The following TNFRSF21 variants were observed in gnomAD, a reference collection of about 807,000 sequenced individuals.
TNFRSF21 encodes tumor necrosis factor receptor superfamily member 21.
A neutral mutation model predicts 45.6 loss-of-function variants in TNFRSF21; 19 were observed. The observed-to-expected ratio is 0.42, with a 90% CI of 0.29 to 0.61. TNFRSF21 has a LOEUF of 0.61. Ranked by LOEUF, TNFRSF21 falls within the 20% of genes least tolerant of loss-of-function variation. The pLI is 0.23. For missense variants in TNFRSF21, 737 were observed against 851.5 expected (o/e 0.87, Z 1.67); for synonymous variants, 314 against 335.5 (o/e 0.94, Z 0.70).
chr6:47,271,897 C>A (rs149296476), intron 3 of TNFRSF21, among the ~76,000 whole-genome samples: 3,800 of 152,040 alleles, frequency 0.025, 87 homozygotes, highest in Non-Finnish European at 0.033. Flanking sequence ...TTTAAACCAA[C>A]AAAGATCAAA....
intron 1 of TNFRSF21, among the ~76,000 whole-genome samples, chr6:47,303,576 C>T (rs1762901789): frequency 6.6e-6 from 1 of 152,176 alleles, no homozygotes; most frequent in African/African-American, 2.4e-5. Context: ...ACTGAGATCA[C>T]TATTGCTTAC....
At chr6:47,289,121 C>A (rs1001585965) in intron 1 of TNFRSF21, among the ~76,000 whole-genome samples, 1 of 152,176 alleles carries the variant, frequency 6.6e-6, no homozygotes, top group Admixed American at 6.5e-5. Flanking sequence ...TTTCACTATC[C>A]TTTATGAAAT....
intron 4 of TNFRSF21, among the ~76,000 whole-genome samples, chr6:47,249,630 G>A (rs1764872245): frequency 6.6e-6 from 1 of 152,156 alleles, no homozygotes; most frequent in Non-Finnish European, 1.5e-5. Flanking sequence ...TGTGACTCCT[G>A]ACTGTGTAAA....
At chr6:47,251,436 A>G (rs1052692155) in intron 4 of TNFRSF21, among the ~76,000 whole-genome samples, 2 of 152,218 alleles carry the variant, frequency 1.3e-5, no homozygotes, top group African/African-American at 4.8e-5. Context: ...TAAGGTGTAC[A>G]AGAGTTTGGC....
intron 4 of TNFRSF21, among the ~76,000 whole-genome samples, chr6:47,235,841 T>G (rs1355089708): frequency 6.6e-6 from 1 of 152,136 alleles, no homozygotes; most frequent in East Asian, 1.9e-4. Context: ...ACTGTGAAGA[T>G]TGCATTCTGG....
At chr6:47,302,141 C>T (rs1027982628) in intron 1 of TNFRSF21, among the ~76,000 whole-genome samples, 5 of 152,148 alleles carry the variant, frequency 3.3e-5, no homozygotes, top group East Asian at 1.9e-4. Flanking sequence ...CTACAACCTA[C>T]GAAGCGATGT....
chr6:47,257,761 C>A (rs1427445480), intron 3 of TNFRSF21, among the ~76,000 whole-genome samples: 1 of 152,132 alleles, frequency 6.6e-6, no homozygotes, highest in African/African-American at 2.4e-5. Flanking sequence ...TTTTACTATT[C>A]CTTTTTAAAC....
intron 4 of TNFRSF21, among the ~76,000 whole-genome samples, chr6:47,250,047 G>A (rs755503331): frequency 2.6e-5 from 4 of 151,982 alleles, no homozygotes; most frequent in Non-Finnish European, 5.9e-5. Flanking sequence ...CATTTAAAAA[G>A]CAATTATATA....
intron 4 of TNFRSF21, among the ~76,000 whole-genome samples, chr6:47,244,671 C>G (rs559897354): frequency 1.3e-5 from 2 of 152,094 alleles, no homozygotes; most frequent in East Asian, 3.8e-4. Context: ...TTAATTTCAG[C>G]CTGTCCTGTG....
chr6:47,250,991 G>C (rs1467299200), intron 4 of TNFRSF21, among the ~76,000 whole-genome samples: 1 of 152,140 alleles, frequency 6.6e-6, no homozygotes, highest in Admixed American at 6.5e-5. Context: ...TGTATGTAAG[G>C]TATATGTGAA....
intron 3 of TNFRSF21, among the ~76,000 whole-genome samples, chr6:47,258,441 T>G (rs532357167): frequency 6.7e-6 from 1 of 148,764 alleles, no homozygotes; most frequent in East Asian, 2.0e-4. Flanking sequence ...AAGACCACAG[T>G]AACTTTTGCA....
chr6:47,245,091 G>A (rs915960715), intron 4 of TNFRSF21, among the ~76,000 whole-genome samples: 2 of 152,140 alleles, frequency 1.3e-5, no homozygotes, highest in Non-Finnish European at 2.9e-5. Flanking sequence ...AGAAAGCCAG[G>A]AAGGGTGTAG....
At chr6:47,283,317 G>C (rs74350615) in intron 3 of TNFRSF21, among the ~76,000 whole-genome samples, 4,206 of 152,254 alleles carry the variant, frequency 0.028, 207 homozygotes, top group African/African-American at 0.096. Flanking sequence ...TAATGCTGAG[G>C]CTCAGATGAT....
At chr6:47,300,345 C>T (rs1419329607) in intron 1 of TNFRSF21, among the ~76,000 whole-genome samples, 4 of 152,162 alleles carry the variant, frequency 2.6e-5, no homozygotes, top group Middle Eastern at 3.2e-3. Flanking sequence ...CTTCCTATCT[C>T]GCCATCAGCA....
intron 4 of TNFRSF21, among the ~76,000 whole-genome samples, chr6:47,245,057 G>A (rs1764803239): frequency 6.6e-6 from 1 of 152,152 alleles, no homozygotes. Context: ...TATTGATTCT[G>A]ATTTCCTCCC....
At chr6:47,297,509 AC>A (rs1177058080) in intron 1 of TNFRSF21, among the ~76,000 whole-genome samples, 3 of 109,830 alleles carry the variant, frequency 2.7e-5, no homozygotes, top group Non-Finnish European at 5.6e-5. Context: ...TTCTCTTTTT[AC>A]TTTTTTTTTT....
At chr6:47,251,673 A>G (rs1468780840) in intron 4 of TNFRSF21, among the ~76,000 whole-genome samples, 1 of 152,194 alleles carries the variant, frequency 6.6e-6, no homozygotes. Context: ...TTTGAGCCTT[A>G]GGCTTGTCTT....
chr6:47,280,466 A>G lies in TNFRSF21; in HGVS notation c.1243+3472T>C, dbSNP rs191268152. 1.2e-4 allele frequency among the ~76,000 whole-genome samples: 18 copies of G among 152,372 alleles called. No individual in the cohort carries two copies. The East Asian group carries it at 3.5e-3, about 29-fold the overall frequency. On this transcript the variant is annotated intron_variant, in intron 3 of 5. Coordinates refer to ENST00000296861, the MANE Select transcript of TNFRSF21 (RefSeq NM_014452.5). ...TGTTTGAGACTAGCAATTTGGAAAG[A>G]AAAGACTTTCCTTAGAAAAACACCT...
chr6:47,263,546 C>T (rs1296845195), intron 3 of TNFRSF21, among the ~76,000 whole-genome samples: 4 of 151,988 alleles, frequency 2.6e-5, no homozygotes, highest in African/African-American at 9.7e-5. Flanking sequence ...AGAAACAGCC[C>T]AAGATGGAGG....
Sources: gnomAD v4.1 joint callset for allele counts (sites outside exome capture counted in the v4.1 genomes callset) on GRCh38, gnomAD v4.1.1 for gene constraint, MANE v1.5 for transcripts, NCBI Gene and HGNC (gene_info 2026-07-23, HGNC 2026-07-21) for gene names.